LEF1: variants seen among roughly 807,000 people sequenced by gnomAD.
LEF1 encodes lymphoid enhancer binding factor 1.
LEF1 carries 14 observed loss-of-function variants against 51.2 expected under a neutral mutation model. The ratio of observed to expected loss-of-function variants is 0.27; its 90% CI spans 0.18 to 0.43. The LOEUF (loss-of-function observed/expected upper bound fraction) is 0.43, where lower values mean the gene tolerates loss of function less well. Ranked by LOEUF, LEF1 falls within the 20% of genes least tolerant of loss-of-function variation. The pLI is 1.00. For synonymous variants in LEF1, 185 were observed against 183.2 expected (o/e 1.01, Z -0.08); for missense variants, 386 against 512.0 (o/e 0.75, Z 2.37).
intron 3 of LEF1, among the ~76,000 whole-genome samples, chr4:108,137,324 C>T (rs1381986155): frequency 6.6e-6 from 1 of 152,078 alleles, no homozygotes; most frequent in Admixed American, 6.5e-5. Context: ...GTACACTGCT[C>T]TGGTGATGGA....
intron 3 of LEF1, among the ~76,000 whole-genome samples, chr4:108,158,567 T>C (rs1481981987): frequency 6.6e-6 from 1 of 152,138 alleles, no homozygotes; most frequent in East Asian, 1.9e-4. Context: ...AAATTCCAAG[T>C]CTTTTACCAA....
At chr4:108,089,891 T>G (rs977544266) in intron 3 of LEF1, among the ~76,000 whole-genome samples, 1 of 152,212 alleles carries the variant, frequency 6.6e-6, no homozygotes, top group Non-Finnish European at 1.5e-5. Context: ...GCTTTGGCCC[T>G]CCTCAGTTCA....
chr4:108,110,450 T>C (rs11939273), intron 3 of LEF1, among the ~76,000 whole-genome samples: 14,611 of 152,202 alleles, frequency 0.096, 948 homozygotes, highest in African/African-American at 0.2. Context: ...ATGATTGCAA[T>C]TGTCTTTGAG....
intron 3 of LEF1, among the ~76,000 whole-genome samples, chr4:108,137,277 T>C (rs1241170953): frequency 6.6e-6 from 1 of 151,164 alleles, no homozygotes. Context: ...AGGGTGGGAG[T>C]GGGGTGAGGG....
intron 11 of LEF1, among the ~76,000 whole-genome samples, chr4:108,057,109 T>C (rs1737358291): frequency 6.6e-6 from 1 of 152,042 alleles, no homozygotes. Context: ...CCAAGAGTTC[T>C]GAACCCCCAG....
In LEF1 at chr4:108,167,717, G is replaced by A. The variant is rs1745504196; in HGVS notation, c.51C>T (p.Leu17=). 1.2e-5 allele frequency: 19 copies of A among 1,613,968 alleles called. No individual in the cohort carries two copies. The highest frequency in any genetic ancestry group is 1.6e-5 in the Non-Finnish European group (19 of 1,180,044). Reference sequence around the variant, plus strand: ...AGGGGATCATCTCGTCCGTGGCGCAGAGTTCCGGGTCCCCCCCGCCGCCGC... The same window carrying A: ...AGGGGATCATCTCGTCCGTGGCGCAAAGTTCCGGGTCCCCCCCGCCGCCGC... ...GGGGGGGDPE[L]CATDEMIPFK... is the part of the protein sequence containing the mutation. Residue 17 remains leucine, a synonymous_variant, in exon 1 of 12, where the codon CTC becomes CTT. Transcript: ENST00000265165. This position sits in a 1 kb window ranked among gnomAD's most constrained non-coding sequence, Gnocchi z 5.7.
At chr4:108,144,982 A>G (rs771590473) in intron 3 of LEF1, among the ~76,000 whole-genome samples, 1 of 151,576 alleles carries the variant, frequency 6.6e-6, no homozygotes, top group Non-Finnish European at 1.5e-5. Flanking sequence ...GAAGTATCTT[A>G]TCGGAACAAA....
intron 3 of LEF1, among the ~76,000 whole-genome samples, chr4:108,098,748 AT>A (rs1740552976): frequency 6.6e-6 from 1 of 152,144 alleles, no homozygotes; most frequent in Non-Finnish European, 1.5e-5. Context: ...AGGGGTCCTC[AT>A]TTTTCTATAG....
chr4:108,093,400 G>A (rs1199201511), intron 3 of LEF1, among the ~76,000 whole-genome samples: 1 of 152,066 alleles, frequency 6.6e-6, no homozygotes, highest in Non-Finnish European at 1.5e-5. Flanking sequence ...TACACATCTC[G>A]CTGTAAGGGA....
At chr4:108,135,575 CA>C (rs1406804318) in intron 3 of LEF1, among the ~76,000 whole-genome samples, 1 of 152,226 alleles carries the variant, frequency 6.6e-6, no homozygotes, top group East Asian at 1.9e-4. Context: ...TGGCATGCCC[CA>C]GGAGAGGTAC....
chr4:108,156,965 C>T (rs1744740978), intron 3 of LEF1, among the ~76,000 whole-genome samples: 1 of 151,710 alleles, frequency 6.6e-6, no homozygotes, highest in Non-Finnish European at 1.5e-5. Flanking sequence ...ATGTATGTAA[C>T]AAAATTACAC....
chr4:108,052,257 T>C (rs1314881921), intron 11 of LEF1, among the ~76,000 whole-genome samples: 2 of 152,212 alleles, frequency 1.3e-5, no homozygotes, highest in Admixed American at 1.3e-4. Context: ...TGCCCCATCA[T>C]GTAATATCAC....
At chr4:108,162,664 T>A (rs936436774) in intron 3 of LEF1, among the ~76,000 whole-genome samples, 8 of 151,978 alleles carry the variant, frequency 5.3e-5, no homozygotes, top group African/African-American at 1.9e-4. Context: ...CCGAGACCCA[T>A]AGACATGTGT....
At chr4:108,147,373 T>A (rs567042092) in intron 3 of LEF1, among the ~76,000 whole-genome samples, 2 of 152,248 alleles carry the variant, frequency 1.3e-5, no homozygotes, top group South Asian at 2.1e-4. Context: ...AAAACAAACA[T>A]CTCAGATAGC....
At chr4:108,134,933 C>G (rs1442664936) in intron 3 of LEF1, among the ~76,000 whole-genome samples, 1 of 152,182 alleles carries the variant, frequency 6.6e-6, no homozygotes, top group Non-Finnish European at 1.5e-5. Context: ...AAAAGGGATA[C>G]AGATGCCTGC....
At chr4:108,083,523 C>A in intron 4 of LEF1, 77 bp from the exon 5 acceptor site, 1 of 856,712 alleles carries the variant, frequency 1.2e-6, no homozygotes, top group Non-Finnish European at 1.8e-6. Flanking sequence ...ATGTTTTATA[C>A]CATTCATACT....
intron 3 of LEF1, among the ~76,000 whole-genome samples, chr4:108,150,705 A>C (rs1744315876): frequency 6.6e-6 from 1 of 152,156 alleles, no homozygotes; most frequent in African/African-American, 2.4e-5. Context: ...ACCACTTATT[A>C]AACTCTGGTT....
chr4:108,087,241 C>T (rs991804188), intron 4 of LEF1, among the ~76,000 whole-genome samples: 4 of 151,978 alleles, frequency 2.6e-5, no homozygotes, highest in Non-Finnish European at 4.4e-5. Context: ...CAGAAGTACA[C>T]GATGATAAGG....
chr4:108,163,130 G>C (rs1343946004), intron 3 of LEF1, among the ~76,000 whole-genome samples: 1 of 152,142 alleles, frequency 6.6e-6, no homozygotes, highest in Admixed American at 6.5e-5. Context: ...GACACCATTT[G>C]AAAAGCCAAA....
Sources: gnomAD v4.1 joint callset for allele counts (sites outside exome capture counted in the v4.1 genomes callset) on GRCh38, gnomAD v4.1.1 for gene constraint, Gnocchi (gnomAD v3.1) non-coding constraint, MANE v1.5 for transcripts, NCBI Gene and HGNC (gene_info 2026-07-23, HGNC 2026-07-21) for gene names.